PLEKHA5: variants seen among roughly 807,000 people sequenced by gnomAD.
The protein encoded by PLEKHA5 is pleckstrin homology domain-containing family A member 5.
Under a neutral mutation model 181.9 loss-of-function variants are expected in PLEKHA5, and 55 were observed. The ratio of observed to expected loss-of-function variants is 0.30; its 90% CI spans 0.24 to 0.38. PLEKHA5 has a LOEUF of 0.38. Among genes scored for constraint, PLEKHA5 ranks in the 10% least tolerant of loss-of-function variants. The pLI is 1.00. For missense variants in PLEKHA5, 1,432 were observed against 1,549.5 expected, an observed-to-expected ratio of 0.92 and a Z score of 1.27; for synonymous variants, 535 against 529.4, an observed-to-expected ratio of 1.01 and a Z score of -0.15.
At chr12:19,269,392 AAAG>A (rs1267021435) in intron 8 of PLEKHA5, among the ~76,000 whole-genome samples, 2 of 140,830 alleles carry the variant, frequency 1.4e-5, no homozygotes, top group Non-Finnish European at 3.0e-5. Context: ...GTCTCAAAAA[AAAG>A]AAAAAAAAAA....
chr12:19,213,244 C>T (rs2057320457), intron 3 of PLEKHA5, among the ~76,000 whole-genome samples: 1 of 151,732 alleles, frequency 6.6e-6, no homozygotes, highest in Non-Finnish European at 1.5e-5. Context: ...CTTCTCAGAG[C>T]AGATTATGTC....
At chr12:19,229,733 A>C (rs1450926708) in intron 3 of PLEKHA5, among the ~76,000 whole-genome samples, 1 of 152,166 alleles carries the variant, frequency 6.6e-6, no homozygotes, top group African/African-American at 2.4e-5. Context: ...GCCAGCTTTT[A>C]TTCCCTTATC....
intron 3 of PLEKHA5, among the ~76,000 whole-genome samples, chr12:19,172,466 C>T (rs1332486877): frequency 1.3e-5 from 2 of 152,184 alleles, no homozygotes; most frequent in East Asian, 3.9e-4. Context: ...CCCGGGGGGG[C>T]AAAAGATTTG....
intron 15 of PLEKHA5, among the ~76,000 whole-genome samples, chr12:19,299,010 G>C (rs1288316777): frequency 6.6e-6 from 1 of 152,142 alleles, no homozygotes; most frequent in African/African-American, 2.4e-5. Flanking sequence ...GACTGATGAA[G>C]AAGAAGAAAA....
In PLEKHA5 at chr12:19,221,555, C is replaced by T. The variant is rs140524065; in HGVS notation, c.228-32385C>T. ...TTCCGTATGACACTGTAATTATGTT[C>T]ATGCGACACTGTCTGTCAAAACCCA... On this transcript the variant is annotated intron_variant, in intron 3 of 31. Coordinates refer to ENST00000429027, the MANE Select transcript of PLEKHA5 (RefSeq NM_001256470.2). 2.6e-3 allele frequency among the ~76,000 whole-genome samples: 402 copies of T among 152,228 alleles called. 2 individuals carry two copies. The highest frequency in any genetic ancestry group is 9.3e-3 in the African/African-American group (386 of 41,532).
chr12:19,185,728 A>G (rs150375161), intron 3 of PLEKHA5, among the ~76,000 whole-genome samples: 1 of 152,316 alleles, frequency 6.6e-6, no homozygotes, highest in East Asian at 1.9e-4. Context: ...TGTGTACTTA[A>G]CATATCTTAA....
intron 3 of PLEKHA5, among the ~76,000 whole-genome samples, chr12:19,199,814 A>G (rs61132264): frequency 0.088 from 13,459 of 152,182 alleles, 710 homozygotes; most frequent in Admixed American, 0.19. Context: ...GAAAAGGGTC[A>G]CTAAAAGAGA....
intron 20 of PLEKHA5, among the ~76,000 whole-genome samples, chr12:19,327,879 A>G (rs1186213903): frequency 6.6e-6 from 1 of 152,060 alleles, no homozygotes; most frequent in Non-Finnish European, 1.5e-5. Flanking sequence ...TCCAAGCCTC[A>G]TGTGATCTGC....
chr12:19,137,180 C>T (rs577644001), intron 3 of PLEKHA5, among the ~76,000 whole-genome samples: 1 of 151,862 alleles, frequency 6.6e-6, no homozygotes, highest in Non-Finnish European at 1.5e-5. Context: ...TTACAGGTGC[C>T]CACCACCACC....
intron 7 of PLEKHA5, among the ~76,000 whole-genome samples, chr12:19,263,908 A>T (rs1011921240): frequency 2.6e-5 from 4 of 152,170 alleles, no homozygotes; most frequent in African/African-American, 9.7e-5. Context: ...AACATTACTG[A>T]GTACTTACTC....
At chr12:19,158,178 C>T (rs192249497) in intron 3 of PLEKHA5, among the ~76,000 whole-genome samples, 1 of 152,026 alleles carries the variant, frequency 6.6e-6, no homozygotes, top group African/African-American at 2.4e-5. Flanking sequence ...CAGTGAAACC[C>T]CCATCTCTAC....
chr12:19,139,680 G>A (rs2036723235), intron 3 of PLEKHA5, among the ~76,000 whole-genome samples: 1 of 152,194 alleles, frequency 6.6e-6, no homozygotes, highest in Admixed American at 6.5e-5. Context: ...ATGCTATGAA[G>A]AATATCTAAT....
chr12:19,250,336 G>A (rs1456362056), intron 3 of PLEKHA5, among the ~76,000 whole-genome samples: 1 of 152,176 alleles, frequency 6.6e-6, no homozygotes, highest in Admixed American at 6.5e-5. Flanking sequence ...TGTAATCCCG[G>A]CACTTTGGGA....
chr12:19,163,419 C>T (rs983629862), intron 3 of PLEKHA5, among the ~76,000 whole-genome samples: 4 of 152,066 alleles, frequency 2.6e-5, no homozygotes, highest in Non-Finnish European at 5.9e-5. Flanking sequence ...CCTCGTGATC[C>T]GCCCACCTCG....
intron 11 of PLEKHA5, among the ~76,000 whole-genome samples, chr12:19,282,006 T>C (rs2076293492): frequency 6.6e-6 from 1 of 152,114 alleles, no homozygotes; most frequent in South Asian, 2.1e-4. Context: ...ATGGTCTCGA[T>C]CTCCTGACCT....
intron 3 of PLEKHA5, among the ~76,000 whole-genome samples, chr12:19,164,659 C>G (rs1223582532): frequency 1.3e-5 from 2 of 152,186 alleles, no homozygotes; most frequent in African/African-American, 2.4e-5. Flanking sequence ...CTGAAGACAA[C>G]TCAGTCTTGT....
intron 3 of PLEKHA5, among the ~76,000 whole-genome samples, chr12:19,173,001 CTTTCTTTTT>C (rs2046294746): frequency 8.6e-5 from 3 of 35,068 alleles, no homozygotes; most frequent in Admixed American, 4.3e-4. Context: ...ACTGATTTCC[CTTTCTTTTT>C]TTTTTTTTTT....
chr12:19,233,992 A>C (rs2061013024), intron 3 of PLEKHA5, among the ~76,000 whole-genome samples: 1 of 152,220 alleles, frequency 6.6e-6, no homozygotes, highest in Non-Finnish European at 1.5e-5. Context: ...GAGAAAGTTA[A>C]ACTTGTCATC....
At chr12:19,301,604 G>T (rs183745689) in intron 15 of PLEKHA5, among the ~76,000 whole-genome samples, 9 of 152,178 alleles carry the variant, frequency 5.9e-5, no homozygotes, top group Admixed American at 5.9e-4. Flanking sequence ...TATACCACAA[G>T]GACATAATCT....
Sources: allele counts gnomAD v4.1 joint callset (sites outside exome capture counted in the v4.1 genomes callset), GRCh38; gene constraint gnomAD v4.1.1; transcripts MANE v1.5; gene names NCBI Gene and HGNC (gene_info 2026-07-23, HGNC 2026-07-21).